The following SLC25A21 variants were observed in gnomAD, a reference collection of about 807,000 sequenced individuals.
SLC25A21 encodes the protein mitochondrial 2-oxodicarboxylate carrier.
Under a neutral mutation model 43.8 loss-of-function variants are expected in SLC25A21, and 47 were observed. That is an observed-to-expected ratio of 1.07 (90% CI 0.85 to 1.37). The LOEUF (loss-of-function observed/expected upper bound fraction) is 1.37, where lower values mean the gene tolerates loss of function less well. Among genes scored for constraint, SLC25A21 ranks in the 40% most tolerant of loss-of-function variants. The pLI is 0.00. For missense variants in SLC25A21, 352 were observed against 350.2 expected (o/e 1.00, Z -0.04); for synonymous variants, 131 against 121.3 (o/e 1.08, Z -0.52).
chr14:36,696,799 TTTC>T (rs570595263), intron 7 of SLC25A21, among the ~76,000 whole-genome samples: 185 of 152,324 alleles, frequency 1.2e-3, no homozygotes, highest in Non-Finnish European at 2.2e-3. Context: ...TCTTCTCTCT[TTTC>T]TTCTTTATTA....
At chr14:36,893,110 T>G (rs1291136332) in intron 1 of SLC25A21, among the ~76,000 whole-genome samples, 11 of 152,212 alleles carry the variant, frequency 7.2e-5, no homozygotes, top group Non-Finnish European at 1.6e-4. Flanking sequence ...TCCAGATCCC[T>G]GAGGAATCGC....
At position 36,833,144 on chromosome 14, in the gene SLC25A21, T is replaced by G. The variant is rs1889093999; in HGVS notation, c.120-19143A>C. Among the ~76,000 whole-genome samples the G allele has an allele frequency of 2.6e-5, 4 of 152,298 alleles. No homozygotes were observed. The South Asian group carries it at 8.3e-4, about 32-fold the overall frequency. ...AAATCAGAGGTAATGAGAAGGGAAT[T>G]CAAAGTAAATACACAGCACTATTAA... On this transcript the variant is annotated intron_variant, in intron 2 of 9. Transcript: ENST00000331299.
At chr14:36,948,639 T>C (rs937056878) in intron 1 of SLC25A21, among the ~76,000 whole-genome samples, 3 of 152,172 alleles carry the variant, frequency 2.0e-5, no homozygotes, top group African/African-American at 7.2e-5. Flanking sequence ...TAATTCTCTA[T>C]GTCTAAAGTT....
At position 36,679,567 on chromosome 14, in the gene SLC25A21, A is replaced by G. The variant is rs79796944; in HGVS notation, c.*1091T>C. Reference sequence around the variant, plus strand: ...ACCAAGGAGATATTTTTGTTGATACATGTTAGTATAGTAATCCTTAGAAAT... The same window carrying G: ...ACCAAGGAGATATTTTTGTTGATACGTGTTAGTATAGTAATCCTTAGAAAT... On this transcript the variant is annotated 3_prime_UTR_variant, in exon 10 of 10. Transcript: ENST00000331299. The G allele has an allele frequency of 1.0e-6, 1 of 985,384 alleles. No homozygotes were observed. The highest frequency in any genetic ancestry group is 1.7e-5 in the African/African-American group (1 of 57,352). 61.0% of individuals were successfully genotyped at this position (985,384 alleles called of 1,614,324 possible).
chr14:37,004,926 ATT>A (rs35750060), intron 1 of SLC25A21, among the ~76,000 whole-genome samples: 3,523 of 143,114 alleles, frequency 0.025, 128 homozygotes, highest in African/African-American at 0.084. Context: ...CAGGGAAGGA[ATT>A]TTTTTTTTTT....
chr14:36,925,723 T>A (rs1419931231), intron 1 of SLC25A21, among the ~76,000 whole-genome samples: 2 of 152,114 alleles, frequency 1.3e-5, no homozygotes, highest in Non-Finnish European at 2.9e-5. Context: ...AGCACATGCC[T>A]ATAATTCCAG....
intron 1 of SLC25A21, among the ~76,000 whole-genome samples, chr14:37,075,194 G>A (rs1270517945): frequency 1.3e-5 from 2 of 151,730 alleles, no homozygotes; most frequent in Non-Finnish European, 1.5e-5. Context: ...TCGACTTAAC[G>A]TTTTCCTTCT....
chr14:37,067,898 T>C (rs1426518422), intron 1 of SLC25A21, among the ~76,000 whole-genome samples: 1 of 152,268 alleles, frequency 6.6e-6, no homozygotes, highest in Non-Finnish European at 1.5e-5. Flanking sequence ...ATAGAACTTC[T>C]GATATCTTCT....
chr14:36,939,426 T>G (rs999023951), intron 1 of SLC25A21, among the ~76,000 whole-genome samples: 1 of 152,102 alleles, frequency 6.6e-6, no homozygotes, highest in Admixed American at 6.6e-5. Flanking sequence ...ACAGCATTTT[T>G]TTTGTTAAAT....
intron 2 of SLC25A21, among the ~76,000 whole-genome samples, chr14:36,856,653 T>A (rs1889907242): frequency 6.6e-6 from 1 of 152,118 alleles, no homozygotes; most frequent in South Asian, 2.1e-4. Context: ...GTGAGTGATG[T>A]GTGGAAGCTC....
chr14:36,996,506 A>C (rs1486114312), intron 1 of SLC25A21, among the ~76,000 whole-genome samples: 1 of 152,208 alleles, frequency 6.6e-6, no homozygotes, highest in Admixed American at 6.5e-5. Flanking sequence ...AAATAGGGAT[A>C]ATAATGTGTT....
chr14:36,871,279 G>A (rs1890365619), intron 2 of SLC25A21, among the ~76,000 whole-genome samples: 1 of 152,078 alleles, frequency 6.6e-6, no homozygotes, highest in Admixed American at 6.6e-5. Context: ...CACCATGTGA[G>A]GACACAGCAA....
chr14:36,865,364 C>T (rs780195662), intron 2 of SLC25A21, among the ~76,000 whole-genome samples: 35 of 152,116 alleles, frequency 2.3e-4, no homozygotes, highest in Non-Finnish European at 4.7e-4. Flanking sequence ...CCAATATACT[C>T]GCTCCTTTCC....
chr14:37,085,651 T>C (rs1962469868), intron 1 of SLC25A21, among the ~76,000 whole-genome samples: 1 of 152,232 alleles, frequency 6.6e-6, no homozygotes, highest in Non-Finnish European at 1.5e-5. Context: ...TGACATTTTA[T>C]ACCTTTGCAT....
chr14:36,705,953 A>G (rs1883540414), intron 7 of SLC25A21, among the ~76,000 whole-genome samples: 1 of 152,196 alleles, frequency 6.6e-6, no homozygotes, highest in Admixed American at 6.5e-5. Context: ...CAACTTGATG[A>G]CGTTCTTCAA....
intron 1 of SLC25A21, among the ~76,000 whole-genome samples, chr14:37,161,001 G>A (rs1963930535): frequency 1.1e-5 from 1 of 88,632 alleles, no homozygotes; most frequent in African/African-American, 3.3e-5. Flanking sequence ...AGGGGGGGCA[G>A]GTGGAGGGGG....
Position 36,864,675 on chromosome 14 carries a change from G to T in SLC25A21, c.119+10281C>A, listed in dbSNP as rs113343776. Among the ~76,000 whole-genome samples, 503 of 152,286 alleles carry T rather than the reference G, an allele frequency of 3.3e-3. 6 individuals are homozygous for T. Among genetic ancestry groups the T allele is most frequent in the African/African-American group, 0.011 (469 of 41,562 alleles). Reference sequence around the variant, plus strand: ...TTATATGTTGCCATGGATTGATTTAGCTACATGACAAAATCCCAATTAAAA... The same window carrying T: ...TTATATGTTGCCATGGATTGATTTATCTACATGACAAAATCCCAATTAAAA... On this transcript the variant is annotated intron_variant, in intron 2 of 9. Coordinates refer to ENST00000331299, the MANE Select transcript of SLC25A21 (RefSeq NM_030631.4).
chr14:36,804,566 C>T (rs544356293), intron 3 of SLC25A21, among the ~76,000 whole-genome samples: 1 of 152,250 alleles, frequency 6.6e-6, no homozygotes, highest in South Asian at 2.1e-4. Context: ...GATAAAGGAC[C>T]AGAATGGTAA....
At chr14:36,921,799 C>G (rs1241130923) in intron 1 of SLC25A21, among the ~76,000 whole-genome samples, 1 of 152,102 alleles carries the variant, frequency 6.6e-6, no homozygotes, top group Non-Finnish European at 1.5e-5. Flanking sequence ...ATATTTATGA[C>G]TTGTTCACCA....
Sources: allele counts gnomAD v4.1 joint callset (sites outside exome capture counted in the v4.1 genomes callset), GRCh38; gene constraint gnomAD v4.1.1; transcripts MANE v1.5; gene names NCBI Gene and HGNC (gene_info 2026-07-23, HGNC 2026-07-21).